C2CD3: variants seen among roughly 807,000 people sequenced by gnomAD.
The protein encoded by C2CD3 is C2 domain containing 3 centriole elongation regulator, also known as C2 domain-containing protein 3.
Under a neutral mutation model 234.0 loss-of-function variants are expected in C2CD3, and 148 were observed. The observed-to-expected ratio is 0.63, with a 90% CI of 0.55 to 0.72. The LOEUF (loss-of-function observed/expected upper bound fraction) is 0.72, where lower values mean the gene tolerates loss of function less well. Ranked by LOEUF, C2CD3 falls within the 30% of genes least tolerant of loss-of-function variation. The pLI is 0.00. For missense variants in C2CD3, 2,577 were observed against 2,811.5 expected (o/e 0.92, Z 1.89); for synonymous variants, 1,000 against 1,035.4 (o/e 0.97, Z 0.66).
At chr11:74,124,336 T>C (rs1291422002) in intron 7 of C2CD3, among the ~76,000 whole-genome samples, 1 of 152,208 alleles carries the variant, frequency 6.6e-6, no homozygotes, top group Non-Finnish European at 1.5e-5. Flanking sequence ...TCTTATATTA[T>C]TTTGAACAAG....
chr11:74,125,615 AGTTAT>A (rs1957388588), intron 7 of C2CD3, among the ~76,000 whole-genome samples: 1 of 152,166 alleles, frequency 6.6e-6, no homozygotes, highest in Non-Finnish European at 1.5e-5. Flanking sequence ...TTCTCTATTT[AGTTAT>A]ATTACAAATT....
chr11:74,111,084 C>T (rs1471978334), intron 11 of C2CD3, among the ~76,000 whole-genome samples: 5 of 152,292 alleles, frequency 3.3e-5, no homozygotes, highest in African/African-American at 1.2e-4. Flanking sequence ...ATTTTGGAAT[C>T]GAAACGGTGC....
intron 23 of C2CD3, among the ~76,000 whole-genome samples, chr11:74,077,211 C>T (rs1449429058): frequency 1.3e-5 from 2 of 151,940 alleles, no homozygotes; most frequent in African/African-American, 4.8e-5. Flanking sequence ...AATAAACTAG[C>T]ATTCTAGATG....
rs573153757 is a variant in C2CD3 at position 74,025,897 on chromosome 11, G to A, written c.6921+2390C>T. Reference sequence around the variant, plus strand: ...AGATTCAGTATTTCACTCCATGGATGTCTTGCTCCAAAGCCTGGACACAGC... The same window carrying A: ...AGATTCAGTATTTCACTCCATGGATATCTTGCTCCAAAGCCTGGACACAGC... On this transcript the variant is annotated intron_variant, in intron 32 of 32. Coordinates refer to ENST00000334126, the MANE Select transcript of C2CD3 (RefSeq NM_001286577.2). Among the ~76,000 whole-genome samples the A allele has an allele frequency of 1.4e-3, 210 of 152,278 alleles. 1 individual carries two copies. The highest frequency in any genetic ancestry group is 5.0e-3 in the African/African-American group (206 of 41,554).
chr11:74,059,075 G>A (rs826049), intron 24 of C2CD3, among the ~76,000 whole-genome samples: 6,333 of 152,196 alleles, frequency 0.042, 435 homozygotes, highest in African/African-American at 0.15. Context: ...GATTACAGAT[G>A]AAGGAAAAGA....
At chr11:74,062,274 C>T (rs560744588) in intron 24 of C2CD3, among the ~76,000 whole-genome samples, 1 of 152,134 alleles carries the variant, frequency 6.6e-6, no homozygotes, top group Non-Finnish European at 1.5e-5. Context: ...CCAAGCGGAC[C>T]TAATAGACAG....
intron 9 of C2CD3, 56 bp from the exon 10 acceptor site, chr11:74,114,649 A>C (rs1956866413): frequency 1.7e-6 from 2 of 1,157,360 alleles, no homozygotes; most frequent in Non-Finnish European, 2.6e-6. Context: ...CACATGAAAC[A>C]ATCTAGTTTG....
Position 74,033,746 on chromosome 11 carries a change from G to A in C2CD3, c.6414C>T (p.Asn2138=). The A allele has an allele frequency of 2.0e-6, 3 of 1,536,406 alleles. No individual in the cohort carries two copies. The highest frequency in any genetic ancestry group is 2.6e-6 in the Non-Finnish European group (3 of 1,146,952). ...SFLSSPERAV[N]PHLPRQGSPS... is the part of the protein sequence containing the mutation. ...GAGAACCCTGCCTAGGCAGGTGGGG[G>A]TTGACAGCCCTTTCTGGGCTGGAGA... is the stretch of plus-strand genomic sequence containing the variant. Residue 2138 remains asparagine, a synonymous_variant, in exon 31 of 33, where the codon AAC becomes AAT. Coordinates refer to ENST00000334126, the MANE Select transcript of C2CD3 (RefSeq NM_001286577.2).
At chr11:74,051,215 G>C (rs1198492166) in intron 26 of C2CD3, among the ~76,000 whole-genome samples, 1 of 147,060 alleles carries the variant, frequency 6.8e-6, no homozygotes, top group East Asian at 1.9e-4. Context: ...AGGACTGCTT[G>C]AGCTCAGGAG....
In C2CD3 at chr11:74,081,199, G is replaced by C. The variant is rs146358601; in HGVS notation, c.4001-2482C>G. ...AATTCCTACCTTGTAGACTTGTCAG[G>C]ATTAACTGTATCCATCCCACAAGAT... is the stretch of plus-strand genomic sequence containing the variant. On this transcript the variant is annotated intron_variant, in intron 22 of 32. Transcript: ENST00000334126. Among the ~76,000 whole-genome samples, 382 of 152,214 alleles carry C rather than the reference G, an allele frequency of 2.5e-3. 1 individual carries two copies. Among genetic ancestry groups the C allele is most frequent in the Non-Finnish European group, 4.1e-3 (279 of 68,014 alleles).
intron 19 of C2CD3, chr11:74,091,487 T>C (rs1332838063): frequency 6.6e-6 from 1 of 152,444 alleles, no homozygotes; most frequent in Non-Finnish European, 1.5e-5. Context: ...ACCTATTGTT[T>C]TGGCAGATAC....
At chr11:74,097,589 C>A (rs1956159128) in intron 16 of C2CD3, among the ~76,000 whole-genome samples, 1 of 152,182 alleles carries the variant, frequency 6.6e-6, no homozygotes, top group African/African-American at 2.4e-5. Context: ...AACTGGACAG[C>A]ACCATACAAA....
intron 25 of C2CD3, among the ~76,000 whole-genome samples, chr11:74,056,597 T>C (rs561260858): frequency 9.9e-5 from 15 of 152,232 alleles, no homozygotes; most frequent in Non-Finnish European, 1.8e-4. Context: ...TGTAACTTGA[T>C]CACACAGTCA....
At position 74,138,734 on chromosome 11, in the gene C2CD3, T is replaced by C; in HGVS notation, c.941A>G (p.Lys314Arg). The C allele has an allele frequency of 6.2e-7, 1 of 1,612,576 alleles. No individual in the cohort carries two copies. Among genetic ancestry groups the C allele is most frequent in the Non-Finnish European group, 8.5e-7 (1 of 1,178,636 alleles). The change falls in exon 5 of 33, where the codon AAG becomes AGG. Residue 314 changes from lysine to arginine, a missense_variant. Transcript: ENST00000334126. Reference sequence around the variant, plus strand: ...TACATACATACCTGAAAGAAGATCCTTGGTAGGGAGGTTGTTTGAAGAAAG... The same window carrying C: ...TACATACATACCTGAAAGAAGATCCCTGGTAGGGAGGTTGTTTGAAGAAAG... Reference protein sequence around the residue: ...CILSSNNLPTKDLLSALLEQG... With the variant: ...CILSSNNLPTRDLLSALLEQG...
chr11:74,015,961 CA>C (rs1291159420), intron 32 of C2CD3, among the ~76,000 whole-genome samples: 1 of 151,910 alleles, frequency 6.6e-6, no homozygotes, highest in African/African-American at 2.4e-5. Flanking sequence ...CCTGTGGTCC[CA>C]GCTACTCAGG....
chr11:74,087,570 A>T (rs1955696468), intron 20 of C2CD3, among the ~76,000 whole-genome samples: 1 of 152,124 alleles, frequency 6.6e-6, no homozygotes, highest in African/African-American at 2.4e-5. Context: ...ATCTCGAAAA[A>T]AAAAAAATGA....
Position 74,033,422 on chromosome 11 carries a change from G to A in C2CD3, c.6738C>T (p.Ile2246=), listed in dbSNP as rs943310401. 1.6e-5 allele frequency: 24 copies of A among 1,536,054 alleles called. No homozygotes were observed. Among genetic ancestry groups the A allele is most frequent in the Non-Finnish European group, 2.1e-5 (24 of 1,146,922 alleles). The change falls in exon 31 of 33, where the codon ATC becomes ATT. Residue 2246 remains isoleucine, a synonymous_variant. Transcript: ENST00000334126. ...GCCTCTGCCTGATGTCAGAGGAGTC[G>A]ATGGGTGGTCCCTTATGGTTTTCCC... ...SRRENHKGPP[I]DSSDIRQRQV...
At chr11:74,127,095 C>A (rs1342748351) in intron 7 of C2CD3, among the ~76,000 whole-genome samples, 1 of 152,218 alleles carries the variant, frequency 6.6e-6, no homozygotes. Context: ...GCAGCCTCAA[C>A]CTCCCAGTCT....
intron 20 of C2CD3, among the ~76,000 whole-genome samples, chr11:74,088,477 C>G (rs1261322901): frequency 5.3e-5 from 8 of 152,226 alleles, no homozygotes; most frequent in African/African-American, 1.9e-4. Context: ...TGTGTCAGAA[C>G]TGGCCTGGCT....
Sources: gnomAD v4.1 joint callset for allele counts (sites outside exome capture counted in the v4.1 genomes callset) on GRCh38, gnomAD v4.1.1 for gene constraint, MANE v1.5 for transcripts, NCBI Gene and HGNC (gene_info 2026-07-23, HGNC 2026-07-21) for gene names.